The following KLHL32 variants were observed in gnomAD, a reference collection of about 807,000 sequenced individuals.
KLHL32 encodes the protein kelch like family member 32.
In KLHL32, 35 loss-of-function variants were observed where a neutral mutation model predicts 64.8. The ratio of observed to expected loss-of-function variants is 0.54; its 90% CI spans 0.41 to 0.72. The LOEUF is 0.72. KLHL32 is among the 30% of genes least tolerant of loss of function. KLHL32 has a pLI of 0.00. For missense variants in KLHL32, 589 were observed against 768.5 expected (o/e 0.77, Z 2.76); for synonymous variants, 259 against 281.0 (o/e 0.92, Z 0.78).
chr6:97,126,252 T>C (rs545930146), intron 7 of KLHL32, among the ~76,000 whole-genome samples: 16 of 152,212 alleles, frequency 1.1e-4, no homozygotes, highest in African/African-American at 3.6e-4. Context: ...GCAATATTTC[T>C]AAAGATAGAT....
intron 9 of KLHL32, among the ~76,000 whole-genome samples, chr6:97,132,189 T>C (rs1478936541): frequency 6.6e-6 from 1 of 152,184 alleles, no homozygotes. Flanking sequence ...GCCATTTGTC[T>C]TCATTTGGGG....
chr6:97,090,491 C>G (rs76414100), intron 6 of KLHL32, among the ~76,000 whole-genome samples: 1 of 152,134 alleles, frequency 6.6e-6, no homozygotes, highest in East Asian at 1.9e-4. Context: ...TAATCATTTT[C>G]TTCAAAAGGA....
At chr6:97,082,839 C>T (rs1259340676) in intron 5 of KLHL32, among the ~76,000 whole-genome samples, 2 of 151,832 alleles carry the variant, frequency 1.3e-5, no homozygotes, top group Admixed American at 6.6e-5. Context: ...TTTTGGCCAC[C>T]CCCTCTTTCC....
intron 6 of KLHL32, among the ~76,000 whole-genome samples, chr6:97,098,893 G>C (rs1357177129): frequency 6.6e-6 from 1 of 152,192 alleles, no homozygotes; most frequent in African/African-American, 2.4e-5. Context: ...GGAGAGAAGT[G>C]CATCAGTCAA....
chr6:96,947,802 T>G (rs531203004), intron 1 of KLHL32, among the ~76,000 whole-genome samples: 1 of 152,316 alleles, frequency 6.6e-6, no homozygotes, highest in South Asian at 2.1e-4. Flanking sequence ...ATGAAGAAAC[T>G]GAGGCAGAGA....
At chr6:97,132,605 T>C (rs781092789) in intron 9 of KLHL32, 48 bp from the exon 10 acceptor site, 1 of 1,402,094 alleles carries the variant, frequency 7.1e-7, no homozygotes, top group South Asian at 1.2e-5. Flanking sequence ...AATTAAAATA[T>C]GTAAGAAATG....
intron 2 of KLHL32, 38 bp from the exon 3 acceptor site, chr6:96,975,958 GA>G: frequency 6.8e-7 from 1 of 1,480,822 alleles, no homozygotes; most frequent in Non-Finnish European, 9.0e-7. Flanking sequence ...ACAGGGCTGG[GA>G]AAAGGAAAAA....
At chr6:96,912,696 A>G in the KLHL32 span, among the ~76,000 whole-genome samples, 1 of 152,248 alleles carries the variant, frequency 6.6e-6, no homozygotes, top group Non-Finnish European at 1.5e-5. Context: ...AAGGTACTCA[A>G]TAAGTATTAG....
At chr6:96,906,259 G>A in the KLHL32 span, among the ~76,000 whole-genome samples, 1 of 152,176 alleles carries the variant, frequency 6.6e-6, no homozygotes, top group African/African-American at 2.4e-5. Context: ...AATAGATATT[G>A]TTTTAAGCCT....
intron 5 of KLHL32, among the ~76,000 whole-genome samples, chr6:97,079,241 G>A (rs17057375): frequency 0.031 from 4,649 of 152,140 alleles, 78 homozygotes; most frequent in East Asian, 0.07. Context: ...GAGAGACACC[G>A]CAAAGGCCAT....
intron 4 of KLHL32, among the ~76,000 whole-genome samples, chr6:97,047,213 TC>T (rs1357819491): frequency 3.3e-5 from 5 of 152,264 alleles, no homozygotes; most frequent in Admixed American, 2.6e-4. Flanking sequence ...TGCATGCATT[TC>T]CTATCAAGTA....
intron 5 of KLHL32, among the ~76,000 whole-genome samples, chr6:97,067,004 C>T (rs1401546334): frequency 1.3e-5 from 2 of 152,122 alleles, no homozygotes; most frequent in Admixed American, 6.5e-5. Flanking sequence ...TTTTTGAAAC[C>T]GCTCTCTTCA....
At chr6:97,111,781 T>C (rs1021718001) in intron 6 of KLHL32, among the ~76,000 whole-genome samples, 3 of 152,102 alleles carry the variant, frequency 2.0e-5, no homozygotes, top group African/African-American at 2.4e-5. Flanking sequence ...GGGGATTTTA[T>C]TGCCAATGAA....
intron 5 of KLHL32, among the ~76,000 whole-genome samples, chr6:97,066,821 A>G (rs1789828381): frequency 6.6e-6 from 1 of 152,148 alleles, no homozygotes; most frequent in African/African-American, 2.4e-5. Flanking sequence ...GTGTTTTGGT[A>G]ATATTGTTCA....
At chr6:96,938,592 G>A (rs1434375231) in intron 1 of KLHL32, among the ~76,000 whole-genome samples, 2 of 152,160 alleles carry the variant, frequency 1.3e-5, no homozygotes, top group Non-Finnish European at 2.9e-5. Flanking sequence ...TCCACAGCCA[G>A]TGGGCTTTGG....
At chr6:97,062,202 G>C (rs925274920) in intron 4 of KLHL32, 5 of 152,192 alleles carry the variant, frequency 3.3e-5, no homozygotes, top group Non-Finnish European at 7.3e-5. Context: ...TGTGATCACT[G>C]TCTTTGTGTT....
the KLHL32 span, among the ~76,000 whole-genome samples, chr6:96,911,111 G>A: frequency 3.2e-4 from 49 of 152,172 alleles, 1 homozygote; most frequent in South Asian, 9.6e-3. Flanking sequence ...CACAAACTGG[G>A]GGGTTTAAAC....
chr6:96,983,127 A>G (rs1263791729), intron 3 of KLHL32, among the ~76,000 whole-genome samples: 1 of 152,258 alleles, frequency 6.6e-6, no homozygotes, highest in African/African-American at 2.4e-5. Context: ...TTCTGCATCT[A>G]TTGAGATAAT....
chr6:96,960,820 TC>T (rs1480132735), intron 1 of KLHL32, among the ~76,000 whole-genome samples: 3 of 152,182 alleles, frequency 2.0e-5, no homozygotes, highest in Non-Finnish European at 4.4e-5. Context: ...GGCTTCTGGG[TC>T]ATAGGTAGAT....
Sources: allele counts gnomAD v4.1 joint callset (sites outside exome capture counted in the v4.1 genomes callset), GRCh38; gene constraint gnomAD v4.1.1; transcripts MANE v1.5; gene names NCBI Gene and HGNC (gene_info 2026-07-23, HGNC 2026-07-21).